Variants in PPFIBP2 observed in about 807,000 individuals in gnomAD.
The protein encoded by PPFIBP2 is PPFIB scaffold protein 2, also known as liprin-beta-2.
A neutral mutation model predicts 118.3 loss-of-function variants in PPFIBP2; 118 were observed. The observed-to-expected ratio is 1.00, with a 90% CI of 0.86 to 1.16. The LOEUF (loss-of-function observed/expected upper bound fraction) is 1.16, where lower values mean the gene tolerates loss of function less well. PPFIBP2 is among the 50% of genes most tolerant of loss of function. The probability of loss-of-function intolerance (pLI) is 0.00; values close to 1 mark genes in which losing one functional copy is unlikely to be tolerated. For synonymous variants in PPFIBP2, 414 were observed against 397.4 expected (o/e 1.04, Z -0.50); for missense variants, 1,195 against 1,073.1 (o/e 1.11, Z -1.59).
chr11:7,658,164 A>G (rs1415471049), downstream of PPFIBP2, among the ~76,000 whole-genome samples: 1 of 151,666 alleles, frequency 6.6e-6, no homozygotes, highest in Non-Finnish European at 1.5e-5. Context: ...TTTTTATTAT[A>G]CTTTAAGTTT....
At chr11:7,577,930 C>T (rs1856690288) in intron 3 of PPFIBP2, among the ~76,000 whole-genome samples, 1 of 152,176 alleles carries the variant, frequency 6.6e-6, no homozygotes, top group Middle Eastern at 3.2e-3. Context: ...GTCAGAGGCT[C>T]CAAACACCGT....
intron 3 of PPFIBP2, among the ~76,000 whole-genome samples, chr11:7,590,353 T>C (rs557393027): frequency 6.6e-6 from 1 of 152,194 alleles, no homozygotes; most frequent in South Asian, 2.1e-4. Flanking sequence ...CACTGCTGTT[T>C]ACCTTTAAAA....
At chr11:7,579,315 A>G (rs1253938731) in intron 3 of PPFIBP2, among the ~76,000 whole-genome samples, 1 of 152,210 alleles carries the variant, frequency 6.6e-6, no homozygotes, top group Non-Finnish European at 1.5e-5. Context: ...TCTGCCAAAT[A>G]TGTATAAAAT....
At chr11:7,597,776 C>T in intron 5 of PPFIBP2, 103 bp downstream of exon 5, 1 of 979,802 alleles carries the variant, frequency 1.0e-6, no homozygotes, top group South Asian at 1.4e-5. Context: ...CTTTCCCATC[C>T]TGCCTGGGGG....
chr11:7,656,118 C>T (rs1410309350), downstream of PPFIBP2, among the ~76,000 whole-genome samples: 2 of 152,216 alleles, frequency 1.3e-5, no homozygotes, highest in Non-Finnish European at 1.5e-5. Flanking sequence ...ATCTGTAAAG[C>T]AGGGCTAATG....
At chr11:7,612,516 G>A (rs1033824398) in intron 6 of PPFIBP2, among the ~76,000 whole-genome samples, 1 of 152,190 alleles carries the variant, frequency 6.6e-6, no homozygotes, top group Non-Finnish European at 1.5e-5. Context: ...AGGAAGGAGA[G>A]CTCCCACTTC....
chr11:7,665,241 G>A, the PPFIBP2 span: 10 of 758,922 alleles, frequency 1.3e-5, no homozygotes, highest in Non-Finnish European at 2.0e-5. Context: ...ACACCCAAAA[G>A]AGGAGAACCA....
Position 7,639,864 on chromosome 11 carries a change from A to C in PPFIBP2, c.1369A>C (p.Arg457=). Residue 457 remains arginine, a synonymous_variant, in exon 15 of 24, where the codon AGG becomes CGG. Transcript: ENST00000299492. Reference sequence around the variant, plus strand: ...TGACGCCACGGGGAGCAGCCTGCTGAGGCTGAGTGAGTGTCCAGCCCTGGT... The same window carrying C: ...TGACGCCACGGGGAGCAGCCTGCTGCGGCTGAGTGAGTGTCCAGCCCTGGT... The part of the protein sequence containing the change: ...QPDATGSSLL[R]LRDTESGWDD... The C allele has an allele frequency of 6.2e-7, 1 of 1,613,764 alleles. No individual in the cohort carries two copies. The highest frequency in any genetic ancestry group is 8.5e-7 in the Non-Finnish European group (1 of 1,179,876).
chr11:7,536,368 G>A (rs1851217696), intron 1 of PPFIBP2, among the ~76,000 whole-genome samples: 1 of 152,112 alleles, frequency 6.6e-6, no homozygotes, highest in Non-Finnish European at 1.5e-5. Flanking sequence ...GAGGCAAAGG[G>A]GAAACATGGA....
At chr11:7,567,374 C>A (rs1387403591) in intron 3 of PPFIBP2, among the ~76,000 whole-genome samples, 1 of 152,140 alleles carries the variant, frequency 6.6e-6, no homozygotes, top group African/African-American at 2.4e-5. Flanking sequence ...TTTCAAGATG[C>A]ATTGGTAGAA....
chr11:7,666,189 G>T, the PPFIBP2 span: 1 of 595,462 alleles, frequency 1.7e-6, no homozygotes, highest in African/African-American at 1.9e-5. Flanking sequence ...GTGGACAGGG[G>T]CAGTGTCCCT....
intron 1 of PPFIBP2, among the ~76,000 whole-genome samples, chr11:7,531,751 AT>A (rs1467818782): frequency 1.3e-5 from 2 of 151,720 alleles, no homozygotes; most frequent in African/African-American, 2.4e-5. Flanking sequence ...TCTCACAATT[AT>A]GGAGGCCAGA....
In PPFIBP2 at chr11:7,629,718, C is replaced by A. The variant is rs551889115; in HGVS notation, c.964+184C>A. 3.9e-5 allele frequency among the ~76,000 whole-genome samples: 6 copies of A among 152,304 alleles called. No homozygotes were observed. In the East Asian group the frequency reaches 9.6e-4, roughly 24 times the overall value. On this transcript the variant is annotated intron_variant, in intron 10 of 23. Coordinates refer to ENST00000299492, the MANE Select transcript of PPFIBP2 (RefSeq NM_003621.5). ...TAGCAGTTGTTGATTTCCAGAAATA[C>A]TACCAAATGGAAGTCAGCTTAGGGC...
intron 19 of PPFIBP2, 58 bp downstream of exon 19, chr11:7,648,969 A>G: frequency 6.7e-7 from 1 of 1,501,924 alleles, no homozygotes; most frequent in Non-Finnish European, 9.3e-7. Context: ...GAGTAGAAAG[A>G]ATTTTCCTGT....
intron 3 of PPFIBP2, among the ~76,000 whole-genome samples, chr11:7,584,857 C>T (rs1003717811): frequency 5.3e-5 from 8 of 152,170 alleles, no homozygotes; most frequent in African/African-American, 1.9e-4. Flanking sequence ...TTTGATATCT[C>T]CCCTGATGCC....
rs201003988 is a variant in PPFIBP2 at position 7,602,087 on chromosome 11, CAAAAAAAAAAA to C, written c.486+4428_486+4438del. Among the ~76,000 whole-genome samples, 268 of 56,212 alleles carry C rather than the reference CAAAAAAAAAAA, an allele frequency of 4.8e-3. 2 individuals are homozygous for C. The highest frequency in any genetic ancestry group is 0.017 in the African/African-American group (255 of 15,336). The allele number at this position is 56,212 out of a possible 152,430, so 36.9% of individuals were successfully genotyped here. On this transcript the variant is annotated intron_variant, in intron 5 of 23. Coordinates refer to ENST00000299492, the MANE Select transcript of PPFIBP2 (RefSeq NM_003621.5). Reference sequence around the variant, plus strand: ...CAGCCTGGGCAACAAGAATGAAACTCAAAAAAAAAAAAAAAAAAAAAAAAGAAGAGTCATTT... The same window carrying C: ...CAGCCTGGGCAACAAGAATGAAACTCAAAAAAAAAAAAAGAAGAGTCATTT...
At position 7,653,313 on chromosome 11, in the gene PPFIBP2, G is replaced by A. The variant is rs1397317072; in HGVS notation, c.*95G>A. 1 of 1,549,018 alleles carries A rather than the reference G, an allele frequency of 6.5e-7. No homozygotes were observed. Reference sequence around the variant, plus strand: ...GCACCTCACCCCCGCACGTGTGCATGACTCGCAGAGAATATTCCAGCAATT... The same window carrying A: ...GCACCTCACCCCCGCACGTGTGCATAACTCGCAGAGAATATTCCAGCAATT... On this transcript the variant is annotated 3_prime_UTR_variant, in exon 24 of 24. Transcript: ENST00000299492.
chr11:7,595,966 A>G (rs917211690), intron 4 of PPFIBP2, among the ~76,000 whole-genome samples: 1 of 150,304 alleles, frequency 6.7e-6, no homozygotes, highest in Non-Finnish European at 1.5e-5. Context: ...TCTCAAAAAT[A>G]GTTGTTTTTA....
downstream of PPFIBP2, among the ~76,000 whole-genome samples, chr11:7,654,935 G>GGAAGGAGGA (rs1248553588): frequency 6.6e-6 from 1 of 152,198 alleles, no homozygotes; most frequent in Non-Finnish European, 1.5e-5. Context: ...GTAGGTTTAG[G>GGAAGGAGGA]GAAGGAGGAA....
Sources: gnomAD v4.1 joint callset for allele counts (sites outside exome capture counted in the v4.1 genomes callset) on GRCh38, gnomAD v4.1.1 for gene constraint, MANE v1.5 for transcripts, NCBI Gene and HGNC (gene_info 2026-07-23, HGNC 2026-07-21) for gene names.